OPRM1: variants seen among roughly 807,000 people sequenced by gnomAD.
The protein encoded by OPRM1 is mu-type opioid receptor.
In OPRM1, 27 loss-of-function variants were observed where a neutral mutation model predicts 31.8. That is an observed-to-expected ratio of 0.85 (90% CI 0.63 to 1.17). The LOEUF (loss-of-function observed/expected upper bound fraction) is 1.17. OPRM1 is among the 50% of genes most tolerant of loss of function. The pLI is 0.00. For synonymous variants in OPRM1, 196 were observed against 189.9 expected, an observed-to-expected ratio of 1.03 and a Z score of -0.26; for missense variants, 536 against 511.1, an observed-to-expected ratio of 1.05 and a Z score of -0.47.
chr6:154,183,325 C>T (rs914219271), intron 3 of OPRM1, among the ~76,000 whole-genome samples: 5 of 152,164 alleles, frequency 3.3e-5, no homozygotes, highest in African/African-American at 7.2e-5. Context: ...ATCGCTATGA[C>T]TATTATCTAC....
At chr6:154,100,854 A>C (rs973645369) in intron 3 of OPRM1, among the ~76,000 whole-genome samples, 2 of 149,708 alleles carry the variant, frequency 1.3e-5, no homozygotes, top group African/African-American at 4.9e-5. Context: ...AAGGTTAAAA[A>C]ATATATATTT....
At chr6:154,176,094 C>T (rs1800303009) in intron 3 of OPRM1, among the ~76,000 whole-genome samples, 1 of 152,154 alleles carries the variant, frequency 6.6e-6, no homozygotes, top group Non-Finnish European at 1.5e-5. Flanking sequence ...TCAATAGATG[C>T]AGAAAAGGCC....
chr6:154,020,293 G>T (rs997634158), intron 1 of OPRM1, among the ~76,000 whole-genome samples: 3 of 152,084 alleles, frequency 2.0e-5, no homozygotes, highest in Middle Eastern at 3.2e-3. Context: ...GTTTTCAACA[G>T]TGGCTAGGTG....
intron 3 of OPRM1, among the ~76,000 whole-genome samples, chr6:154,151,258 T>C (rs978551771): frequency 6.6e-6 from 1 of 152,160 alleles, no homozygotes; most frequent in African/African-American, 2.4e-5. Context: ...ATTGAAGGAA[T>C]GCTTTCAGAA....
At chr6:154,237,949 T>G (rs368959093) in intron 3 of OPRM1, among the ~76,000 whole-genome samples, 1 of 152,368 alleles carries the variant, frequency 6.6e-6, no homozygotes, top group South Asian at 2.1e-4. Context: ...TGTGCACTTA[T>G]GTACTCTATT....
chr6:154,167,394 C>T (rs1186113863), intron 3 of OPRM1, among the ~76,000 whole-genome samples: 1 of 152,180 alleles, frequency 6.6e-6, no homozygotes, highest in East Asian at 1.9e-4. Flanking sequence ...CACTGTCGGG[C>T]TCTCATGGTG....
chr6:154,150,898 C>T (rs1186528189), intron 3 of OPRM1, among the ~76,000 whole-genome samples: 1 of 152,220 alleles, frequency 6.6e-6, no homozygotes, highest in Non-Finnish European at 1.5e-5. Flanking sequence ...CAACATTTTG[C>T]TTTAAATTGT....
In OPRM1 at chr6:154,127,005, A is replaced by G. The variant is rs1182171566; in HGVS notation, c.*8284A>G. Reference sequence around the variant, plus strand: ...ACGCCTGTAATCCCAGCTAGTCGGGAGGCTGAGGCAGGAGAATTGCTTGAA... The same window carrying G: ...ACGCCTGTAATCCCAGCTAGTCGGGGGGCTGAGGCAGGAGAATTGCTTGAA... On this transcript the variant is annotated 3_prime_UTR_variant, in exon 4 of 4. Transcript: ENST00000330432. Among the ~76,000 whole-genome samples the G allele has an allele frequency of 1.3e-5, 2 of 151,866 alleles. No homozygotes were observed. The highest frequency in any genetic ancestry group is 3.9e-4 in the East Asian group (2 of 5,156).
chr6:154,110,417 AC>A, intron 3 of OPRM1: 1 of 1,501,336 alleles, frequency 6.7e-7, no homozygotes, highest in Admixed American at 2.0e-5. Context: ...GCTAATAATT[AC>A]AATATTTTCC....
intron 3 of OPRM1, among the ~76,000 whole-genome samples, chr6:154,147,119 C>G (rs1174638809): frequency 1.3e-5 from 2 of 152,144 alleles, no homozygotes; most frequent in Non-Finnish European, 2.9e-5. Flanking sequence ...AGGGAAGCAG[C>G]TGCTATTCAA....
chr6:154,195,773 A>G (rs1161121235), intron 3 of OPRM1, among the ~76,000 whole-genome samples: 1 of 148,864 alleles, frequency 6.7e-6, no homozygotes, highest in Admixed American at 6.7e-5. Context: ...TTTAGACCAG[A>G]ATTGTACCTT....
chr6:154,181,496 T>A (rs901723989), intron 3 of OPRM1, among the ~76,000 whole-genome samples: 5 of 152,246 alleles, frequency 3.3e-5, no homozygotes, highest in African/African-American at 4.8e-5. Context: ...ATAGCTATAC[T>A]ATGCTATGAA....
chr6:154,242,370 T>G (rs762482083), intron 3 of OPRM1, among the ~76,000 whole-genome samples: 4 of 152,208 alleles, frequency 2.6e-5, no homozygotes, highest in Non-Finnish European at 5.9e-5. Context: ...TCCTTACACA[T>G]GACTCCATTT....
intron 3 of OPRM1, among the ~76,000 whole-genome samples, chr6:154,153,265 G>T (rs1798590709): frequency 6.6e-6 from 1 of 152,172 alleles, no homozygotes; most frequent in Non-Finnish European, 1.5e-5. Flanking sequence ...GCAGGATAGT[G>T]TTCAGTCCTA....
chr6:154,100,096 TTATG>T (rs1794459273), intron 3 of OPRM1, among the ~76,000 whole-genome samples: 1 of 66,834 alleles, frequency 1.5e-5, no homozygotes, highest in Non-Finnish European at 2.9e-5. Flanking sequence ...TATTATCATA[TTATG>T]ATATATATAT....
At chr6:154,209,359 T>C (rs140110472) in intron 3 of OPRM1, among the ~76,000 whole-genome samples, 1 of 152,230 alleles carries the variant, frequency 6.6e-6, no homozygotes, top group Non-Finnish European at 1.5e-5. Flanking sequence ...ACTCTCTGCA[T>C]AAAAGCTATG....
intron 3 of OPRM1, among the ~76,000 whole-genome samples, chr6:154,212,358 C>T (rs576128686): frequency 6.6e-6 from 1 of 152,194 alleles, no homozygotes; most frequent in Non-Finnish European, 1.5e-5. Flanking sequence ...TCTGGCTCTC[C>T]TTTTTTCTTT....
intron 3 of OPRM1, chr6:154,108,200 A>T (rs1795897367): frequency 4.5e-6 from 2 of 449,064 alleles, no homozygotes; most frequent in Admixed American, 7.7e-5. Context: ...AACACATGTG[A>T]TAAAACATAG....
intron 3 of OPRM1, among the ~76,000 whole-genome samples, chr6:154,100,769 A>G (rs1296932875): frequency 2.6e-5 from 4 of 151,612 alleles, no homozygotes; most frequent in Admixed American, 2.6e-4. Flanking sequence ...AATCCCAAGA[A>G]TACTAGATAT....
Sources: gnomAD v4.1 joint callset for allele counts (sites outside exome capture counted in the v4.1 genomes callset) on GRCh38, gnomAD v4.1.1 for gene constraint, MANE v1.5 for transcripts, NCBI Gene and HGNC (gene_info 2026-07-23, HGNC 2026-07-21) for gene names.